DNAH5: variants seen among roughly 807,000 people sequenced by gnomAD.
DNAH5 encodes axonemal beta dynein heavy chain 5.
A neutral mutation model predicts 518.2 loss-of-function variants in DNAH5; 372 were observed. The observed-to-expected ratio is 0.72, with a 90% CI of 0.66 to 0.78. The LOEUF is 0.78. Among genes scored for constraint, DNAH5 ranks in the 30% least tolerant of loss-of-function variants. The pLI is 0.00. For missense variants in DNAH5, 5,523 were observed against 5,687.0 expected, an observed-to-expected ratio of 0.97 and a Z score of 0.93; for synonymous variants, 2,039 against 2,025.9, an observed-to-expected ratio of 1.01 and a Z score of -0.17.
intron 52 of DNAH5, among the ~76,000 whole-genome samples, chr5:13,784,916 T>A (rs1036082573): frequency 6.6e-6 from 1 of 152,096 alleles, no homozygotes; most frequent in Non-Finnish European, 1.5e-5. Flanking sequence ...ATGACTCATA[T>A]CAGCAGTCCC....
Position 13,940,951 on chromosome 5 carries a change from G to A in DNAH5, c.57+3431C>T, listed in dbSNP as rs116400929. Among the ~76,000 whole-genome samples the A allele has an allele frequency of 2.7e-3, 414 of 152,294 alleles. 2 individuals are homozygous for A. The highest frequency in any genetic ancestry group is 9.5e-3 in the African/African-American group (395 of 41,558). ...GCATCCAAGAGAGATTTGTGGAATGGATAAGTTTTGCACATACAGTTACAT... is the reference window on the plus strand; with the variant it reads ...GCATCCAAGAGAGATTTGTGGAATGAATAAGTTTTGCACATACAGTTACAT... On this transcript the variant is annotated intron_variant, in intron 1 of 78. Transcript: ENST00000265104.
chr5:13,824,445 T>C (rs931542511), intron 38 of DNAH5, 112 bp from the exon 39 acceptor site: 1 of 1,059,868 alleles, frequency 9.4e-7, no homozygotes, highest in South Asian at 1.3e-5. Flanking sequence ...TGATTTTCCT[T>C]CAGAAAATGC....
chr5:13,761,550 G>A (rs1293978539), intron 60 of DNAH5, among the ~76,000 whole-genome samples: 3 of 146,628 alleles, frequency 2.0e-5, no homozygotes, highest in South Asian at 2.2e-4. Context: ...CTGAGATCAA[G>A]CCACTGCACT....
At chr5:13,804,971 C>T (rs567664825) in intron 47 of DNAH5, among the ~76,000 whole-genome samples, 9 of 152,178 alleles carry the variant, frequency 5.9e-5, no homozygotes, top group South Asian at 4.2e-4. Flanking sequence ...GTAACAAAAA[C>T]GCAATGACAA....
chr5:13,899,759 T>C (rs1274592897), intron 15 of DNAH5: 13 of 196,614 alleles, frequency 6.6e-5, no homozygotes, highest in African/African-American at 2.4e-5. Context: ...AGTTCTCTTA[T>C]AACCTGACTG....
intron 12 of DNAH5, among the ~76,000 whole-genome samples, chr5:13,906,814 A>C (rs1775357403): frequency 6.6e-6 from 1 of 152,232 alleles, no homozygotes; most frequent in African/African-American, 2.4e-5. Flanking sequence ...ATTTGTAAGA[A>C]ACAGCAATAG....
At chr5:13,718,629 T>C (rs570360911) in intron 72 of DNAH5, among the ~76,000 whole-genome samples, 1 of 152,272 alleles carries the variant, frequency 6.6e-6, no homozygotes, top group African/African-American at 2.4e-5. Context: ...ATTAATTATG[T>C]CTAGCTGGAG....
chr5:13,854,446 A>G lies in DNAH5; in HGVS notation c.4951-3631T>C, dbSNP rs550102662. Among the ~76,000 whole-genome samples, 75 of 152,370 alleles carry G rather than the reference A, an allele frequency of 4.9e-4. 1 individual carries two copies. In the Middle Eastern group the frequency reaches 0.01, roughly 21 times the overall value. On this transcript the variant is annotated intron_variant, in intron 30 of 78. Coordinates refer to ENST00000265104, the MANE Select transcript of DNAH5 (RefSeq NM_001369.3). ...AAATGTAAAGACCATTGATATTATG[A>G]AGAAACTGCATCAACTAATGGACAA... is the stretch of plus-strand genomic sequence containing the variant.
chr5:13,878,864 G>A (rs1160306079), intron 21 of DNAH5, among the ~76,000 whole-genome samples: 1 of 152,202 alleles, frequency 6.6e-6, no homozygotes, highest in Non-Finnish European at 1.5e-5. Flanking sequence ...ATAAATGCCT[G>A]TGCTCAGCTT....
chr5:13,902,505 GAATT>G, intron 12 of DNAH5, among the ~76,000 whole-genome samples: 1 of 152,294 alleles, frequency 6.6e-6, no homozygotes, highest in African/African-American at 2.4e-5. Context: ...CATGCAAAGG[GAATT>G]GATTCACAAG....
intron 15 of DNAH5, among the ~76,000 whole-genome samples, chr5:13,895,387 G>C (rs1438256798): frequency 6.6e-6 from 1 of 152,134 alleles, no homozygotes; most frequent in Non-Finnish European, 1.5e-5. Flanking sequence ...CCTAAAAAGG[G>C]AGAAAATCTA....
chr5:13,738,927 T>C (rs1561146518), intron 65 of DNAH5, among the ~76,000 whole-genome samples: 1 of 152,204 alleles, frequency 6.6e-6, no homozygotes, highest in African/African-American at 2.4e-5. Flanking sequence ...GTGGAGTCCA[T>C]TGACAATTTG....
chr5:13,700,530 T>C (rs1279714087), intron 78 of DNAH5, 110 bp downstream of exon 78: 2 of 1,092,994 alleles, frequency 1.8e-6, no homozygotes, highest in Middle Eastern at 2.7e-4. Context: ...AGCTAATAGA[T>C]AAGAGAGCAA....
At chr5:13,850,629 T>A in intron 31 of DNAH5, 23 bp downstream of exon 31, 1 of 1,610,132 alleles carries the variant, frequency 6.2e-7, no homozygotes, top group African/African-American at 1.3e-5. Context: ...TACCGAGAGC[T>A]TTCAAAGAGC....
intron 19 of DNAH5, 31 bp from the exon 20 acceptor site, chr5:13,883,125 C>T: frequency 6.2e-7 from 1 of 1,606,304 alleles, no homozygotes; most frequent in Non-Finnish European, 8.5e-7. Flanking sequence ...GAAGAATTCA[C>T]ATTTTTAATA....
chr5:13,751,178 GTGTAGGC>G lies in DNAH5; in HGVS notation c.11104_11110del (p.Ala3702ProfsTer4). 2 of 1,613,988 alleles carry G rather than the reference GTGTAGGC, an allele frequency of 1.2e-6. No homozygotes were observed. Among genetic ancestry groups the G allele is most frequent in the Non-Finnish European group, 1.7e-6 (2 of 1,179,924 alleles). On this transcript the variant is annotated frameshift_variant, in exon 65 of 79. Coordinates refer to ENST00000265104, the MANE Select transcript of DNAH5 (RefSeq NM_001369.3). LOFTEE classifies it high-confidence loss of function. ...GGAGGTACGGGCACTTATCTCAGGG[GTGTAGGC>G]TGGGTTAGGCAATTTGGTGGTAATG...
In DNAH5 at chr5:13,921,668, G is replaced by C. The variant is rs548654738; in HGVS notation, c.660+439C>G. Among the ~76,000 whole-genome samples the C allele has an allele frequency of 4.0e-5, 6 of 150,508 alleles. No individual in the cohort carries two copies. The South Asian group carries it at 8.4e-4, about 21-fold the overall frequency. Reference sequence around the variant, plus strand: ...TTGGCTGAATCACAGGATCAGACTTGCTCTCTCCAAACATATCAATTCCTC... The same window carrying C: ...TTGGCTGAATCACAGGATCAGACTTCCTCTCTCCAAACATATCAATTCCTC... On this transcript the variant is annotated intron_variant, in intron 5 of 78. Transcript: ENST00000265104.
At chr5:13,792,926 A>G (rs1757220973) in intron 49 of DNAH5, among the ~76,000 whole-genome samples, 1 of 152,256 alleles carries the variant, frequency 6.6e-6, no homozygotes, top group Non-Finnish European at 1.5e-5. Context: ...TTCTGCACAA[A>G]TAAGTCACAA....
At chr5:13,839,656 G>A (rs1418757394) in intron 34 of DNAH5, 128 bp from the exon 35 acceptor site, 3 of 790,800 alleles carry the variant, frequency 3.8e-6, no homozygotes, top group Non-Finnish European at 6.4e-6. Context: ...TATTTCACAG[G>A]TGTCAACTGT....
Sources: gnomAD v4.1 joint callset for allele counts (sites outside exome capture counted in the v4.1 genomes callset) on GRCh38, gnomAD v4.1.1 for gene constraint, MANE v1.5 for transcripts, NCBI Gene and HGNC (gene_info 2026-07-23, HGNC 2026-07-21) for gene names.